The following ERBB4 variants were observed in gnomAD, a reference collection of about 807,000 sequenced individuals.
ERBB4 encodes receptor tyrosine-protein kinase erbB-4.
A neutral mutation model predicts 158.0 loss-of-function variants in ERBB4; 42 were observed. The observed-to-expected ratio is 0.27, with a 90% CI of 0.21 to 0.34. The LOEUF (loss-of-function observed/expected upper bound fraction) is 0.34. ERBB4 is among the 10% of genes least tolerant of loss of function. The probability of loss-of-function intolerance (pLI) is 1.00; values close to 1 mark genes in which losing one functional copy is unlikely to be tolerated. For missense variants in ERBB4, 1,333 were observed against 1,624.1 expected (o/e 0.82, Z 3.08); for synonymous variants, 583 against 558.7 (o/e 1.04, Z -0.61).
At chr2:211,410,980 C>T (rs898942138) in intron 25 of ERBB4, among the ~76,000 whole-genome samples, 3 of 152,202 alleles carry the variant, frequency 2.0e-5, no homozygotes, top group Non-Finnish European at 4.4e-5. Context: ...GTGATCTCGG[C>T]TCACTGCAGC....
intron 17 of ERBB4, among the ~76,000 whole-genome samples, chr2:211,628,325 C>A (rs1304501847): frequency 6.6e-6 from 1 of 152,164 alleles, no homozygotes; most frequent in Non-Finnish European, 1.5e-5. Context: ...CCACTTGCCT[C>A]ACCCCACAAC....
chr2:212,452,522 T>C (rs6726147), intron 1 of ERBB4, among the ~76,000 whole-genome samples: 42,387 of 151,986 alleles, frequency 0.28, 6,099 homozygotes, highest in Non-Finnish European at 0.29. Context: ...CTCAGGACAT[T>C]TTTATAGGAA....
intron 1 of ERBB4, among the ~76,000 whole-genome samples, chr2:212,409,199 A>C (rs1295169363): frequency 6.6e-6 from 1 of 152,174 alleles, no homozygotes; most frequent in Admixed American, 6.6e-5. Context: ...AGGGAGATTT[A>C]AATGAGGGTA....
At chr2:211,880,206 A>C (rs2078624927) in intron 3 of ERBB4, among the ~76,000 whole-genome samples, 1 of 152,082 alleles carries the variant, frequency 6.6e-6, no homozygotes, top group South Asian at 2.1e-4. Flanking sequence ...CTACCTATCA[A>C]ACATTCTTTA....
chr2:212,160,099 C>A (rs1056064995), intron 1 of ERBB4, among the ~76,000 whole-genome samples: 4 of 151,946 alleles, frequency 2.6e-5, no homozygotes, highest in Non-Finnish European at 2.9e-5. Flanking sequence ...TCCGGCTAAA[C>A]CCCTATTCTT....
chr2:211,965,634 T>A (rs2081291733), intron 2 of ERBB4, among the ~76,000 whole-genome samples: 1 of 152,152 alleles, frequency 6.6e-6, no homozygotes. Context: ...TTGATACTAT[T>A]TCCAGAGGAA....
intron 2 of ERBB4, among the ~76,000 whole-genome samples, chr2:211,994,955 A>G (rs1215644827): frequency 6.6e-6 from 1 of 152,194 alleles, no homozygotes; most frequent in African/African-American, 2.4e-5. Context: ...CAAGCTATTA[A>G]GGCCTGACAT....
intron 1 of ERBB4, among the ~76,000 whole-genome samples, chr2:212,356,048 C>A (rs981453090): frequency 5.9e-5 from 9 of 151,960 alleles, no homozygotes; most frequent in Non-Finnish European, 8.8e-5. Flanking sequence ...AATAAACTCC[C>A]AGAGGGTATA....
intron 3 of ERBB4, among the ~76,000 whole-genome samples, chr2:211,863,063 G>A (rs990659807): frequency 2.0e-5 from 3 of 151,460 alleles, no homozygotes; most frequent in Admixed American, 1.3e-4. Flanking sequence ...CTGTAAAAAC[G>A]CACCAATCAG....
At chr2:211,736,401 T>G (rs1188697064) in intron 5 of ERBB4, among the ~76,000 whole-genome samples, 4 of 152,190 alleles carry the variant, frequency 2.6e-5, no homozygotes, top group Non-Finnish European at 5.9e-5. Flanking sequence ...CAATGTATCT[T>G]ATTTCAATAA....
intron 1 of ERBB4, among the ~76,000 whole-genome samples, chr2:212,170,237 C>T (rs548650842): frequency 6.6e-6 from 1 of 152,284 alleles, no homozygotes; most frequent in East Asian, 1.9e-4. Context: ...TTATTGGGAA[C>T]AAGAGCAAAT....
intron 3 of ERBB4, among the ~76,000 whole-genome samples, chr2:211,843,046 C>T (rs1248570165): frequency 6.6e-6 from 1 of 152,080 alleles, no homozygotes; most frequent in African/African-American, 2.4e-5. Flanking sequence ...CAGGCAAAAG[C>T]ACTAACAGCT....
intron 2 of ERBB4, among the ~76,000 whole-genome samples, chr2:211,987,328 G>GAAAA (rs2081963215): frequency 2.4e-4 from 1 of 4,124 alleles, no homozygotes; most frequent in Non-Finnish European, 5.3e-4. Flanking sequence ...CTCAAGAAAA[G>GAAAA]ACAAAAAAAA....
At chr2:212,127,563 G>T (rs1416545459) in intron 1 of ERBB4, among the ~76,000 whole-genome samples, 14 of 152,170 alleles carry the variant, frequency 9.2e-5, no homozygotes, top group Admixed American at 9.2e-4. Flanking sequence ...CTGCACTCCA[G>T]CCTGGGCAAC....
At chr2:211,821,257 C>A (rs2076989606) in intron 3 of ERBB4, among the ~76,000 whole-genome samples, 1 of 151,690 alleles carries the variant, frequency 6.6e-6, no homozygotes, top group Admixed American at 6.6e-5. Context: ...AAGACAATCT[C>A]ATTTACAATA....
At chr2:212,073,164 G>A (rs2078175078) in intron 2 of ERBB4, among the ~76,000 whole-genome samples, 1 of 151,932 alleles carries the variant, frequency 6.6e-6, no homozygotes, top group Non-Finnish European at 1.5e-5. Flanking sequence ...AGAAAAGCTA[G>A]AAAGGAAAGC....
At chr2:211,811,504 T>C (rs2076756165) in intron 3 of ERBB4, among the ~76,000 whole-genome samples, 1 of 152,142 alleles carries the variant, frequency 6.6e-6, no homozygotes, top group Non-Finnish European at 1.5e-5. Flanking sequence ...GGGGTTGCTC[T>C]TCTCGAGGAG....
At chr2:212,509,010 T>C (rs1419530165) in intron 1 of ERBB4, among the ~76,000 whole-genome samples, 2 of 152,120 alleles carry the variant, frequency 1.3e-5, no homozygotes, top group Admixed American at 6.5e-5. Flanking sequence ...TTAAGACTTA[T>C]ACCATTTCTT....
At chr2:211,510,515 T>C (rs927500570) in intron 20 of ERBB4, among the ~76,000 whole-genome samples, 1 of 152,130 alleles carries the variant, frequency 6.6e-6, no homozygotes. Flanking sequence ...ATTGACTCTT[T>C]AGATGATTCC....
Sources: allele counts gnomAD v4.1 joint callset (sites outside exome capture counted in the v4.1 genomes callset), GRCh38; gene constraint gnomAD v4.1.1; transcripts MANE v1.5; gene names NCBI Gene and HGNC (gene_info 2026-07-23, HGNC 2026-07-21).